The following PPP1R9A variants were observed in gnomAD, a reference collection of about 807,000 sequenced individuals.
PPP1R9A encodes the protein neurabin-1.
In PPP1R9A, 59 loss-of-function variants were observed where a neutral mutation model predicts 141.9. The ratio of observed to expected loss-of-function variants is 0.42; its 90% CI spans 0.34 to 0.52. The LOEUF (loss-of-function observed/expected upper bound fraction) is 0.52, where lower values mean the gene tolerates loss of function less well. Ranked by LOEUF, PPP1R9A falls within the 20% of genes least tolerant of loss-of-function variation. The pLI is 0.10. For missense variants in PPP1R9A, 1,444 were observed against 1,611.9 expected, an observed-to-expected ratio of 0.90 and a Z score of 1.78; for synonymous variants, 500 against 569.7, an observed-to-expected ratio of 0.88 and a Z score of 1.74.
chr7:94,974,286 T>C (rs1584463841), intron 2 of PPP1R9A, among the ~76,000 whole-genome samples: 1 of 152,328 alleles, frequency 6.6e-6, no homozygotes, highest in East Asian at 1.9e-4. Context: ...GCATTTCTGA[T>C]GTAAATGGTA....
In PPP1R9A at chr7:95,273,832, T is replaced by C. The variant is rs887402552; in HGVS notation, c.3125-67T>C. On this transcript the variant is annotated intron_variant, in intron 14 of 19. Transcript: ENST00000433360. Reference sequence around the variant, plus strand: ...CAAAGCCCTTAGATTCAGAGATGCATTGACTTTTGAATTGTGACTTTAAAA... The same window carrying C: ...CAAAGCCCTTAGATTCAGAGATGCACTGACTTTTGAATTGTGACTTTAAAA... 68 of 1,364,150 alleles carry C rather than the reference T, an allele frequency of 5.0e-5. No homozygotes were observed. The African/African-American group carries it at 7.0e-4, about 14-fold the overall frequency. 84.5% of individuals were successfully genotyped at this position (1,364,150 alleles called of 1,614,324 possible).
intron 3 of PPP1R9A, among the ~76,000 whole-genome samples, chr7:95,116,459 A>G (rs1325745081): frequency 1.3e-5 from 2 of 152,156 alleles, no homozygotes; most frequent in Non-Finnish European, 2.9e-5. Flanking sequence ...TAGAAATGAA[A>G]ATGGGAAAAA....
intron 8 of PPP1R9A, among the ~76,000 whole-genome samples, chr7:95,240,125 G>A (rs1295140497): frequency 2.0e-5 from 3 of 151,956 alleles, no homozygotes; most frequent in African/African-American, 4.8e-5. Flanking sequence ...GTTTCCATGA[G>A]CTTCCCATAC....
chr7:95,219,687 G>A (rs1272170247), intron 7 of PPP1R9A, among the ~76,000 whole-genome samples: 1 of 152,078 alleles, frequency 6.6e-6, no homozygotes, highest in Non-Finnish European at 1.5e-5. Context: ...AAATATATAT[G>A]CTGGGCCAGG....
chr7:94,933,179 G>C (rs567591930), intron 2 of PPP1R9A, among the ~76,000 whole-genome samples: 1 of 152,104 alleles, frequency 6.6e-6, no homozygotes, highest in Non-Finnish European at 1.5e-5. Context: ...CTACAAAGCT[G>C]AAAGAAATTC....
chr7:95,027,703 A>G (rs1193078349), intron 2 of PPP1R9A, among the ~76,000 whole-genome samples: 2 of 152,216 alleles, frequency 1.3e-5, no homozygotes, highest in African/African-American at 4.8e-5. Context: ...TATATGGTTT[A>G]GTCTATTGCT....
intron 5 of PPP1R9A, among the ~76,000 whole-genome samples, chr7:95,170,063 A>G (rs558632822): frequency 6.6e-6 from 1 of 151,822 alleles, no homozygotes; most frequent in Non-Finnish European, 1.5e-5. Flanking sequence ...GTTCTACTCC[A>G]ACTTCTAAAA....
At chr7:95,219,751 A>T (rs1254125593) in intron 7 of PPP1R9A, among the ~76,000 whole-genome samples, 1 of 152,140 alleles carries the variant, frequency 6.6e-6, no homozygotes. Flanking sequence ...TCAATATCCT[A>T]TGAGATTGGT....
intron 8 of PPP1R9A, among the ~76,000 whole-genome samples, chr7:95,238,033 C>T (rs994052722): frequency 6.6e-6 from 1 of 151,974 alleles, no homozygotes; most frequent in Non-Finnish European, 1.5e-5. Context: ...TTGACTTAGT[C>T]TTAGGTTATT....
At chr7:94,951,225 GT>G (rs1262157234) in intron 2 of PPP1R9A, among the ~76,000 whole-genome samples, 2 of 151,112 alleles carry the variant, frequency 1.3e-5, no homozygotes, top group Admixed American at 6.6e-5. Context: ...TTATACTTTT[GT>G]TTTTTTTCTT....
At chr7:95,185,673 G>A (rs961005325) in intron 5 of PPP1R9A, among the ~76,000 whole-genome samples, 2 of 152,106 alleles carry the variant, frequency 1.3e-5, no homozygotes, top group African/African-American at 4.8e-5. Context: ...TTAGATTTAA[G>A]TCTTTGATCC....
At chr7:95,289,986 C>T (rs1312836301) in intron 19 of PPP1R9A, 105 bp from the exon 20 acceptor site, 1 of 1,510,214 alleles carries the variant, frequency 6.6e-7, no homozygotes, top group African/African-American at 1.4e-5. Context: ...GTTCTTACCT[C>T]TTCAATGTTT....
chr7:95,026,603 C>T (rs1342797555), intron 2 of PPP1R9A, among the ~76,000 whole-genome samples: 1 of 152,190 alleles, frequency 6.6e-6, no homozygotes. Flanking sequence ...TAGTGGAACT[C>T]AAATACTGTG....
intron 5 of PPP1R9A, among the ~76,000 whole-genome samples, chr7:95,171,772 T>C: frequency 6.6e-6 from 1 of 151,630 alleles, no homozygotes; most frequent in Admixed American, 6.6e-5. Context: ...CAACATATAC[T>C]CTTTCAGAAC....
intron 8 of PPP1R9A, among the ~76,000 whole-genome samples, chr7:95,235,498 A>G (rs1371110154): frequency 1.2e-4 from 18 of 152,230 alleles, no homozygotes. Context: ...AAGAATGGCC[A>G]TAATCAAAAA....
At chr7:95,252,604 A>G (rs577070012) in intron 12 of PPP1R9A, among the ~76,000 whole-genome samples, 8 of 150,880 alleles carry the variant, frequency 5.3e-5, no homozygotes, top group African/African-American at 9.8e-5. Flanking sequence ...AGTAGCTGTG[A>G]CTATAGGCAT....
chr7:95,042,557 C>T (rs564636409), intron 2 of PPP1R9A, among the ~76,000 whole-genome samples: 22 of 152,226 alleles, frequency 1.4e-4, no homozygotes, highest in African/African-American at 3.1e-4. Context: ...AAACCATACA[C>T]GTGATTCATT....
intron 2 of PPP1R9A, among the ~76,000 whole-genome samples, chr7:95,066,216 A>G (rs912137538): frequency 6.6e-6 from 1 of 152,192 alleles, no homozygotes; most frequent in African/African-American, 2.4e-5. Context: ...CACTGTGTGG[A>G]TACAAAAGGT....
intron 5 of PPP1R9A, among the ~76,000 whole-genome samples, chr7:95,193,931 C>G (rs553616836): frequency 6.6e-6 from 1 of 152,128 alleles, no homozygotes; most frequent in African/African-American, 2.4e-5. Context: ...GATCTGACAA[C>G]AACATTCTTG....
Sources: gnomAD v4.1 joint callset for allele counts (sites outside exome capture counted in the v4.1 genomes callset) on GRCh38, gnomAD v4.1.1 for gene constraint, MANE v1.5 for transcripts, NCBI Gene and HGNC (gene_info 2026-07-23, HGNC 2026-07-21) for gene names.